SLC22A2: variants seen among roughly 807,000 people sequenced by gnomAD.
The protein encoded by SLC22A2 is organic cation transporter 2.
SLC22A2 carries 46 observed loss-of-function variants against 60.5 expected under a neutral mutation model. The observed-to-expected ratio is 0.76, with a 90% CI of 0.60 to 0.97. The LOEUF (loss-of-function observed/expected upper bound fraction) is 0.97. Among genes scored for constraint, SLC22A2 ranks in the 50% least tolerant of loss-of-function variants. The probability of loss-of-function intolerance (pLI) is 0.00; values close to 1 mark genes in which losing one functional copy is unlikely to be tolerated. For missense variants in SLC22A2, 701 were observed against 706.6 expected (o/e 0.99, Z 0.09); for synonymous variants, 303 against 267.0 (o/e 1.13, Z -1.31).
intron 10 of SLC22A2, among the ~76,000 whole-genome samples, chr6:160,221,982 C>T (rs1268156280): frequency 6.6e-6 from 1 of 152,100 alleles, no homozygotes; most frequent in Non-Finnish European, 1.5e-5. Flanking sequence ...TGTAGGGTTG[C>T]TGTATACCTT....
rs139364718 is a variant in SLC22A2 at position 160,222,442 on chromosome 6, G to A, written c.1601+2263C>T. 2.5e-3 allele frequency among the ~76,000 whole-genome samples: 387 copies of A among 152,334 alleles called. 3 individuals carry two copies. The highest frequency in any genetic ancestry group is 9.0e-3 in the African/African-American group (373 of 41,574). On this transcript the variant is annotated intron_variant, in intron 10 of 10. Transcript: ENST00000366953. ...ACATATTACTGCCTGCCTGGCACTG[G>A]CGCTGGCTAGAGAAAGAAACTTCAA...
In SLC22A2 at chr6:160,258,761, C is replaced by A. The variant is rs534023049; in HGVS notation, c.-4G>T. The A allele has an allele frequency of 3.9e-6, 6 of 1,537,416 alleles. No homozygotes were observed. The African/African-American group carries it at 8.2e-5, about 21-fold the overall frequency. On this transcript the variant is annotated 5_prime_UTR_variant, in exon 1 of 11. Transcript: ENST00000366953. ...CATCGTCCACGGTGGTGGGCATGAT[C>A]CTGCAGGCAGGAGGGCCCGAGGCTG...
chr6:160,247,555 A>G (rs1783115424), intron 4 of SLC22A2, among the ~76,000 whole-genome samples: 1 of 152,210 alleles, frequency 6.6e-6, no homozygotes, highest in Non-Finnish European at 1.5e-5. Context: ...CAAGGAGGAG[A>G]GGCAGGTCCC....
In SLC22A2 at chr6:160,242,347, C is replaced by G. The variant is rs1211022477; in HGVS notation, c.1335G>C (p.Met445Ile). ...ISCLGRMGITMAYEIVCLVNA... is the reference protein window; with the variant it reads ...ISCLGRMGITIAYEIVCLVNA... ...TGACCAGGCAGACTATCTCATAGGC[C>G]ATTGTGATCCCCATTCTTCCCAAGC... is the stretch of plus-strand genomic sequence containing the variant. The change falls in exon 8 of 11, where the codon ATG (methionine) becomes ATC (isoleucine). Residue 445 changes from methionine to isoleucine, a missense_variant. Coordinates refer to ENST00000366953, the MANE Select transcript of SLC22A2 (RefSeq NM_003058.4). 1 of 1,610,950 alleles carries G rather than the reference C, an allele frequency of 6.2e-7. No individual in the cohort carries two copies. Among genetic ancestry groups the G allele is most frequent in the African/African-American group, 1.3e-5 (1 of 74,784 alleles).
chr6:160,221,152 A>G (rs547780800), intron 10 of SLC22A2, among the ~76,000 whole-genome samples: 1 of 152,328 alleles, frequency 6.6e-6, no homozygotes, highest in South Asian at 2.1e-4. Context: ...TTTATCAGTG[A>G]TCTTTGTTAG....
intron 9 of SLC22A2, among the ~76,000 whole-genome samples, chr6:160,227,377 C>T (rs185219367): frequency 6.6e-6 from 1 of 152,322 alleles, no homozygotes; most frequent in Non-Finnish European, 1.5e-5. Context: ...AATTGCCAAT[C>T]AGAAAATCTT....
chr6:160,232,547 AG>A (rs992202099), intron 9 of SLC22A2, among the ~76,000 whole-genome samples: 9 of 148,416 alleles, frequency 6.1e-5, no homozygotes, highest in African/African-American at 2.2e-4. Flanking sequence ...TCACTATGCA[AG>A]GGTCCTCCAT....
rs1583389950 is a variant in SLC22A2, at chr6:160,224,790, C to T, written c.1516G>A (p.Val506Ile). Residue 506 changes from valine (V) to isoleucine (I), a missense_variant, in exon 10 of 11, where the codon GTT (valine) becomes ATT (isoleucine). Val to Ile is a conservative substitution (Grantham distance 29). Coordinates refer to ENST00000366953, the MANE Select transcript of SLC22A2 (RefSeq NM_003058.4). Reference protein sequence around the residue: ...PLMVFGVLGLVAGGLVLLLPE... With the variant: ...PLMVFGVLGLIAGGLVLLLPE... ...AGCAACAGCACCAGACCTCCAGCAA[C>T]CAAGCCAAGCACGCCTGAAAGCCAA... 2 of 1,596,422 alleles carry T rather than the reference C, an allele frequency of 1.3e-6. No individual in the cohort carries two copies. The highest frequency in any genetic ancestry group is 2.3e-5 in the East Asian group (1 of 44,336).
chr6:160,258,123 T>G (rs1783304992), intron 1 of SLC22A2: 1 of 565,068 alleles, frequency 1.8e-6, no homozygotes, highest in African/African-American at 1.9e-5. Context: ...CAAACTAGAA[T>G]CATTATTGTC....
At chr6:160,217,589 C>A in intron 10 of SLC22A2, 91 bp from the exon 11 acceptor site, 2 of 695,314 alleles carry the variant, frequency 2.9e-6, no homozygotes, top group South Asian at 3.4e-5. Flanking sequence ...AGAGGAACAA[C>A]AAATGATTAT....
At chr6:160,235,849 T>C (rs1782902034) in intron 9 of SLC22A2, among the ~76,000 whole-genome samples, 1 of 152,164 alleles carries the variant, frequency 6.6e-6, no homozygotes, top group Admixed American at 6.6e-5. Flanking sequence ...TTATGTAGTA[T>C]AAAAGTCATA....
chr6:160,258,579 C>A lies in SLC22A2; in HGVS notation c.179G>T (p.Ser60Ile), dbSNP rs756798963. 1 of 1,613,890 alleles carries A rather than the reference C, an allele frequency of 6.2e-7. No homozygotes were observed. The highest frequency in any genetic ancestry group is 1.3e-5 in the African/African-American group (1 of 75,066). The change falls in exon 1 of 11, where the codon AGT becomes ATT. Residue 60 changes from serine to isoleucine, a missense_variant. Ser to Ile is a moderately radical substitution (Grantham distance 142, BLOSUM62 -2). Coordinates refer to ENST00000366953, the MANE Select transcript of SLC22A2 (RefSeq NM_003058.4). ...RCRSPGVAEL[S>I]LRCGWSPAEE... ...TGCAGGACTCCAGCCGCAGCGCAGACTCAGCTCGGCCACTCCGGGGCTCCG... is the reference window on the plus strand; with the variant it reads ...TGCAGGACTCCAGCCGCAGCGCAGAATCAGCTCGGCCACTCCGGGGCTCCG...
At chr6:160,256,803 G>T (rs987850956) in intron 1 of SLC22A2, 86 bp from the exon 2 acceptor site, 1 of 872,524 alleles carries the variant, frequency 1.1e-6, no homozygotes, top group Admixed American at 1.8e-5. Context: ...CTCAGCTAGG[G>T]TACTCATTAA....
At chr6:160,231,201 C>T (rs2114855385) in intron 9 of SLC22A2, among the ~76,000 whole-genome samples, 1 of 151,962 alleles carries the variant, frequency 6.6e-6, no homozygotes, top group Middle Eastern at 3.4e-3. Context: ...ACTTGGACAA[C>T]ATTCTTTTAT....
At chr6:160,238,450 T>A (rs1347097263) in intron 9 of SLC22A2, among the ~76,000 whole-genome samples, 1 of 152,198 alleles carries the variant, frequency 6.6e-6, no homozygotes, top group Non-Finnish European at 1.5e-5. Flanking sequence ...TACAACTGAT[T>A]AATAAAATTA....
intron 2 of SLC22A2, among the ~76,000 whole-genome samples, 181 bp downstream of exon 2, chr6:160,256,433 A>G (rs1376320119): frequency 6.6e-6 from 1 of 152,194 alleles, no homozygotes; most frequent in Non-Finnish European, 1.5e-5. Context: ...AAATAAAGAC[A>G]TTGGTCATGG....
intron 1 of SLC22A2, among the ~76,000 whole-genome samples, chr6:160,257,380 C>G (rs1205098885): frequency 1.3e-5 from 2 of 152,092 alleles, no homozygotes; most frequent in Non-Finnish European, 2.9e-5. Flanking sequence ...GGTGCTGGAC[C>G]AGGTCAGGAG....
At chr6:160,223,538 A>G (rs1355798694) in intron 10 of SLC22A2, among the ~76,000 whole-genome samples, 1 of 152,116 alleles carries the variant, frequency 6.6e-6, no homozygotes, top group African/African-American at 2.4e-5. Context: ...TGGCTGTATA[A>G]TTTTACAGAA....
chr6:160,258,298 C>G lies in SLC22A2; in HGVS notation c.414+46G>C, dbSNP rs772740817. The G allele has an allele frequency of 8.4e-6, 13 of 1,538,890 alleles. No homozygotes were observed. In the East Asian group the frequency reaches 2.5e-4, roughly 29 times the overall value. On this transcript the variant is annotated intron_variant, in intron 1 of 10. Transcript: ENST00000366953. Reference sequence around the variant, plus strand: ...TCCCTGCTTGCTTCCTTGAGAAAATCTCCACCATTTGCTTCTCCATCTGAG... The same window carrying G: ...TCCCTGCTTGCTTCCTTGAGAAAATGTCCACCATTTGCTTCTCCATCTGAG...
Sources: gnomAD v4.1 joint callset for allele counts (sites outside exome capture counted in the v4.1 genomes callset) on GRCh38, gnomAD v4.1.1 for gene constraint, MANE v1.5 for transcripts, NCBI Gene and HGNC (gene_info 2026-07-23, HGNC 2026-07-21) for gene names.